The following GLIS3 variants were observed in gnomAD, a reference collection of about 807,000 sequenced individuals.
GLIS3 encodes the protein GLIS family zinc finger 3.
In GLIS3, 53 loss-of-function variants were observed where a neutral mutation model predicts 78.6. That is an observed-to-expected ratio of 0.67 (90% CI 0.54 to 0.85). The LOEUF is 0.85. Among genes scored for constraint, GLIS3 ranks in the 40% least tolerant of loss-of-function variants. The probability of loss-of-function intolerance (pLI) is 0.00; values close to 1 mark genes in which losing one functional copy is unlikely to be tolerated. For missense variants in GLIS3, 1,703 were observed against 1,231.1 expected (o/e 1.38, Z -5.74); for synonymous variants, 684 against 509.9 (o/e 1.34, Z -4.60).
chr9:4,466,365 C>T, the GLIS3 span, among the ~76,000 whole-genome samples: 1 of 152,132 alleles, frequency 6.6e-6, no homozygotes, highest in South Asian at 2.1e-4. Context: ...ATGAATTCTA[C>T]CCAATATTTT....
intron 2 of GLIS3, among the ~76,000 whole-genome samples, chr9:4,251,460 T>C (rs151336706): frequency 6.7e-6 from 1 of 150,272 alleles, no homozygotes; most frequent in Non-Finnish European, 1.5e-5. Flanking sequence ...TCCATTTGCT[T>C]GGTAAATATT....
chr9:4,004,081 A>G (rs1407187370), intron 4 of GLIS3, among the ~76,000 whole-genome samples: 2 of 152,228 alleles, frequency 1.3e-5, no homozygotes, highest in Non-Finnish European at 2.9e-5. Flanking sequence ...GGGAAACCAC[A>G]GTTCTTGTCC....
At chr9:3,840,165 CCTT>C (rs1818626823) in intron 9 of GLIS3, among the ~76,000 whole-genome samples, 1 of 152,086 alleles carries the variant, frequency 6.6e-6, no homozygotes, top group Non-Finnish European at 1.5e-5. Context: ...ACATAGTAGG[CCTT>C]AAGTTCAACT....
chr9:4,279,356 CACACACAT>C (rs1237163299), intron 2 of GLIS3, among the ~76,000 whole-genome samples: 32 of 56,732 alleles, frequency 5.6e-4, no homozygotes, highest in African/African-American at 7.2e-4. Flanking sequence ...CACACACACA[CACACACAT>C]AATACATATT....
chr9:3,937,068 G>T lies in GLIS3; in HGVS notation c.1832C>A (p.Ser611Tyr). ...HPGCQKAFSN[S>Y]SDRAKHQRTH... ...CCGCTGGTGTTTGGCGCGGTCACTGGAGTTACTGAAGGCCTTCTGACAACC... is the reference window on the plus strand; with the variant it reads ...CCGCTGGTGTTTGGCGCGGTCACTGTAGTTACTGAAGGCCTTCTGACAACC... The change falls in exon 5 of 11, where the codon TCC becomes TAC. Residue 611 changes from serine to tyrosine, a missense_variant. Transcript: ENST00000381971. 1 of 1,613,610 alleles carries T rather than the reference G, an allele frequency of 6.2e-7. No individual in the cohort carries two copies.
chr9:4,486,206 T>G, the GLIS3 span, among the ~76,000 whole-genome samples: 1 of 152,206 alleles, frequency 6.6e-6, no homozygotes, highest in Non-Finnish European at 1.5e-5. Context: ...ATATGGCATT[T>G]TGACATGTTG....
intron 4 of GLIS3, among the ~76,000 whole-genome samples, chr9:4,029,917 A>G (rs1823683786): frequency 6.6e-6 from 1 of 152,216 alleles, no homozygotes; most frequent in Admixed American, 6.5e-5. Context: ...GAGTGCAGAT[A>G]TCTCTTCAAT....
At chr9:4,456,280 T>C in the GLIS3 span, among the ~76,000 whole-genome samples, 1 of 152,334 alleles carries the variant, frequency 6.6e-6, no homozygotes, top group East Asian at 1.9e-4. Flanking sequence ...CTTGCCTCAA[T>C]ATTGATGGCT....
chr9:4,425,989 C>A, the GLIS3 span, among the ~76,000 whole-genome samples: 1 of 152,092 alleles, frequency 6.6e-6, no homozygotes, highest in East Asian at 1.9e-4. Flanking sequence ...ATCAAGTACC[C>A]TTAGAGAAAC....
chr9:3,865,861 G>A (rs371065423), intron 8 of GLIS3, among the ~76,000 whole-genome samples: 1 of 152,268 alleles, frequency 6.6e-6, no homozygotes, highest in South Asian at 2.1e-4. Flanking sequence ...ATATGTGATT[G>A]TAATTAATCT....
intron 4 of GLIS3, among the ~76,000 whole-genome samples, chr9:4,051,314 G>T (rs1159504078): frequency 6.6e-6 from 1 of 152,200 alleles, no homozygotes; most frequent in Non-Finnish European, 1.5e-5. Context: ...TGTGGCAGGG[G>T]CGGGGATAGG....
chr9:4,244,096 T>A (rs1054805845), intron 2 of GLIS3, among the ~76,000 whole-genome samples: 3 of 152,174 alleles, frequency 2.0e-5, no homozygotes, highest in Non-Finnish European at 4.4e-5. Flanking sequence ...CAGCCCTAAC[T>A]AACATTCCAA....
chr9:4,161,007 G>C (rs1835427004), intron 2 of GLIS3, among the ~76,000 whole-genome samples: 1 of 150,986 alleles, frequency 6.6e-6, no homozygotes, highest in Non-Finnish European at 1.5e-5. Flanking sequence ...ACTTAAGAAG[G>C]CTAAGGTGGA....
At chr9:4,105,769 T>C (rs1356948039) in intron 4 of GLIS3, among the ~76,000 whole-genome samples, 1 of 152,178 alleles carries the variant, frequency 6.6e-6, no homozygotes, top group Non-Finnish European at 1.5e-5. Context: ...AGCTCTGTTC[T>C]TGACTGATTC....
intron 4 of GLIS3, among the ~76,000 whole-genome samples, chr9:4,062,280 T>C (rs1826718346): frequency 6.6e-6 from 1 of 152,216 alleles, no homozygotes; most frequent in Non-Finnish European, 1.5e-5. Flanking sequence ...TTGTATAAGG[T>C]GTTCCTTGAG....
intron 2 of GLIS3, among the ~76,000 whole-genome samples, chr9:4,272,692 A>G (rs1274324036): frequency 1.3e-5 from 2 of 152,224 alleles, no homozygotes; most frequent in East Asian, 3.8e-4. Context: ...TACACTAATA[A>G]TCACTCACTG....
chr9:4,473,460 C>CAAAAAAAAAA, the GLIS3 span, among the ~76,000 whole-genome samples: 2 of 131,294 alleles, frequency 1.5e-5, no homozygotes, highest in Non-Finnish European at 1.6e-5. Flanking sequence ...ACAACAACAA[C>CAAAAAAAAAA]AAAAAAAAAG....
chr9:4,456,109 GA>G, the GLIS3 span, among the ~76,000 whole-genome samples: 170 of 145,362 alleles, frequency 1.2e-3, 2 homozygotes, highest in East Asian at 0.021. Flanking sequence ...CTCCATCTAA[GA>G]AAAAAAAAAA....
At chr9:4,359,325 C>G in the GLIS3 span, among the ~76,000 whole-genome samples, 1 of 152,152 alleles carries the variant, frequency 6.6e-6, no homozygotes, top group East Asian at 1.9e-4. Flanking sequence ...ACCTTACTGC[C>G]TTTACCTAGT....
Sources: gnomAD v4.1 joint callset for allele counts (sites outside exome capture counted in the v4.1 genomes callset) on GRCh38, gnomAD v4.1.1 for gene constraint, MANE v1.5 for transcripts, NCBI Gene and HGNC (gene_info 2026-07-23, HGNC 2026-07-21) for gene names.